CSMD3: variants seen among roughly 807,000 people sequenced by gnomAD.
CSMD3 encodes CUB and Sushi multiple domains 3, also known as CUB and sushi domain-containing protein 3.
In CSMD3, 177 loss-of-function variants were observed where a neutral mutation model predicts 435.2. The observed-to-expected ratio is 0.41, with a 90% CI of 0.36 to 0.46. The LOEUF is 0.46. CSMD3 is among the 20% of genes least tolerant of loss of function. The pLI, the probability that CSMD3 is intolerant of heterozygous loss-of-function variation, is 0.34. For missense variants in CSMD3, 4,265 were observed against 4,504.6 expected (o/e 0.95, Z 1.52); for synonymous variants, 1,656 against 1,520.5 (o/e 1.09, Z -2.07).
At chr8:112,226,492 G>C (rs950039414) in intron 70 of CSMD3, among the ~76,000 whole-genome samples, 1 of 151,994 alleles carries the variant, frequency 6.6e-6, no homozygotes, top group Non-Finnish European at 1.5e-5. Flanking sequence ...AAAACACATG[G>C]CCTTGAATTT....
rs111592184 is a variant in CSMD3, at chr8:112,958,960, G to C, written c.1343-4199C>G. 5.7e-3 allele frequency among the ~76,000 whole-genome samples: 873 copies of C among 152,132 alleles called. 8 individuals are homozygous for C. The highest frequency in any genetic ancestry group is 0.02 in the African/African-American group (811 of 41,504). ...TACAAGTTGGAGATTTGGAAAAGGT[G>C]ACCTTCAATTGGTCCTTTTATCACT... On this transcript the variant is annotated intron_variant, in intron 7 of 70. Transcript: ENST00000297405.
At chr8:113,306,404 G>C (rs2093821709) in intron 2 of CSMD3, among the ~76,000 whole-genome samples, 1 of 152,136 alleles carries the variant, frequency 6.6e-6, no homozygotes, top group Admixed American at 6.6e-5. Context: ...AGACATGCGA[G>C]ACAATGTCAT....
intron 3 of CSMD3, among the ~76,000 whole-genome samples, chr8:113,217,529 A>G (rs2092918884): frequency 6.6e-6 from 1 of 151,762 alleles, no homozygotes; most frequent in African/African-American, 2.4e-5. Context: ...AGCTATAAAA[A>G]CATTAGAAAT....
chr8:113,243,194 T>G (rs951675743), intron 3 of CSMD3, among the ~76,000 whole-genome samples: 8 of 152,088 alleles, frequency 5.3e-5, no homozygotes, highest in African/African-American at 1.9e-4. Flanking sequence ...CTGCATTTGG[T>G]GTAAAATTAT....
chr8:113,053,763 T>C lies in CSMD3; in HGVS notation c.918-34584A>G, dbSNP rs185159273. On this transcript the variant is annotated intron_variant, in intron 5 of 70. Coordinates refer to ENST00000297405, the MANE Select transcript of CSMD3 (RefSeq NM_198123.2). Reference sequence around the variant, plus strand: ...GTGTAGTATTTGCTGCTATGTATCATTTCATGGAACTAATGTATCTGGTTT... The same window carrying C: ...GTGTAGTATTTGCTGCTATGTATCACTTCATGGAACTAATGTATCTGGTTT... Among the ~76,000 whole-genome samples the C allele has an allele frequency of 2.0e-5, 3 of 152,282 alleles. No individual in the cohort carries two copies. The East Asian group carries it at 5.8e-4, about 29-fold the overall frequency.
intron 5 of CSMD3, among the ~76,000 whole-genome samples, chr8:113,022,818 G>A (rs2086730162): frequency 6.6e-6 from 1 of 151,744 alleles, no homozygotes; most frequent in African/African-American, 2.4e-5. Context: ...AAATTTCATT[G>A]CATGTTTAAT....
In CSMD3 at chr8:113,145,757, C is replaced by CA. The variant is rs1306731686; in HGVS notation, c.709+27964dup. 2.0e-5 allele frequency among the ~76,000 whole-genome samples: 3 copies of CA among 151,480 alleles called. No homozygotes were observed. In the Admixed American group the frequency reaches 2.0e-4, roughly 10 times the overall value. ...TTCCATTTTCTAGATTGGTACATGACACAGAGGAGGTACTTAATAAAGATG... is the reference window on the plus strand; with the variant it reads ...TTCCATTTTCTAGATTGGTACATGACAACAGAGGAGGTACTTAATAAAGATG... On this transcript the variant is annotated intron_variant, in intron 4 of 70. Transcript: ENST00000297405.
intron 70 of CSMD3, among the ~76,000 whole-genome samples, chr8:112,227,898 C>G (rs536631110): frequency 4.1e-4 from 63 of 151,878 alleles, no homozygotes; most frequent in Non-Finnish European, 2.5e-4. Context: ...AAAAATTAGC[C>G]GGGCATGATG....
At chr8:112,260,502 C>T (rs543790686) in intron 61 of CSMD3, among the ~76,000 whole-genome samples, 31 of 152,064 alleles carry the variant, frequency 2.0e-4, no homozygotes, top group Non-Finnish European at 4.4e-4. Context: ...AATGTAAATA[C>T]ATATTTTATT....
rs758872528 is a variant in CSMD3 at position 112,638,857 on chromosome 8, A to T, written c.3365T>A (p.Leu1122Gln). 1 of 1,613,518 alleles carries T rather than the reference A, an allele frequency of 6.2e-7. No homozygotes were observed. The highest frequency in any genetic ancestry group is 2.2e-5 in the East Asian group (1 of 44,830). ...FHLEDHHDYLLITENGSFTQP... is the reference protein window; with the variant it reads ...FHLEDHHDYLQITENGSFTQP... ...GGTAAAACTGCCATTCTCTGTGATC[A>T]GTAAGTAGTCATGATGGTCTTCCAA... Residue 1122 changes from leucine to glutamine, a missense_variant, in exon 21 of 71, where the codon CTG (leucine) becomes CAG (glutamine). Physicochemically the swap from Leu to Gln is moderately radical, Grantham distance 113. Coordinates refer to ENST00000297405, the MANE Select transcript of CSMD3 (RefSeq NM_198123.2).
At chr8:113,409,801 T>C (rs2094549892) in intron 1 of CSMD3, among the ~76,000 whole-genome samples, 1 of 152,004 alleles carries the variant, frequency 6.6e-6, no homozygotes, top group Non-Finnish European at 1.5e-5. Context: ...CTGAGGAAGA[T>C]ACTGACTGGC....
intron 49 of CSMD3, among the ~76,000 whole-genome samples, chr8:112,313,170 A>G (rs1275598180): frequency 6.6e-6 from 1 of 152,206 alleles, no homozygotes; most frequent in Non-Finnish European, 1.5e-5. Flanking sequence ...TTATTGGTTC[A>G]GTATCAGTAG....
intron 11 of CSMD3, among the ~76,000 whole-genome samples, chr8:112,857,091 TGTG>T (rs1181486285): frequency 6.6e-6 from 1 of 151,302 alleles, no homozygotes; most frequent in Non-Finnish European, 1.5e-5. Flanking sequence ...GAAACTGTGG[TGTG>T]TGTGTGTGTG....
At chr8:113,331,433 T>C (rs2094026905) in intron 1 of CSMD3, among the ~76,000 whole-genome samples, 2 of 151,716 alleles carry the variant, frequency 1.3e-5, no homozygotes, top group Admixed American at 1.3e-4. Context: ...CCCAACTAAT[T>C]TTAAAGACCA....
chr8:112,817,362 T>A lies in CSMD3; in HGVS notation c.1859+12324A>T, dbSNP rs16884126. ...CCAGTAATTGCATTACCATCACTAT[T>A]AGTTCTCTCCAATAAATTATATACA... is the stretch of plus-strand genomic sequence containing the variant. On this transcript the variant is annotated intron_variant, in intron 12 of 70. Coordinates refer to ENST00000297405, the MANE Select transcript of CSMD3 (RefSeq NM_198123.2). Among the ~76,000 whole-genome samples, 978 of 152,222 alleles carry A rather than the reference T, an allele frequency of 6.4e-3. 17 individuals are homozygous for A. The East Asian group carries it at 0.074, about 12-fold the overall frequency.
At chr8:112,464,657 A>G (rs1295027330) in intron 32 of CSMD3, among the ~76,000 whole-genome samples, 1 of 152,176 alleles carries the variant, frequency 6.6e-6, no homozygotes, top group Non-Finnish European at 1.5e-5. Flanking sequence ...CAAAATTTAC[A>G]CAAAAACTTA....
At chr8:113,326,381 C>T (rs1454709861) in intron 1 of CSMD3, among the ~76,000 whole-genome samples, 1 of 151,780 alleles carries the variant, frequency 6.6e-6, no homozygotes, top group Admixed American at 6.6e-5. Context: ...TGATGATCCT[C>T]ACTATAACAT....
intron 36 of CSMD3, among the ~76,000 whole-genome samples, chr8:112,385,980 G>A (rs1463613234): frequency 1.3e-5 from 2 of 152,068 alleles, no homozygotes; most frequent in African/African-American, 4.8e-5. Flanking sequence ...CTTAATTTAA[G>A]AATCTTGAGA....
chr8:113,304,662 G>A (rs1383185082), intron 2 of CSMD3, among the ~76,000 whole-genome samples: 1 of 127,696 alleles, frequency 7.8e-6, no homozygotes, highest in African/African-American at 3.0e-5. Flanking sequence ...ACTATCACAA[G>A]AACAAAAAAC....
Sources: allele counts gnomAD v4.1 joint callset (sites outside exome capture counted in the v4.1 genomes callset), GRCh38; gene constraint gnomAD v4.1.1; transcripts MANE v1.5; gene names NCBI Gene and HGNC (gene_info 2026-07-23, HGNC 2026-07-21).